The following RFWD3 variants were observed in gnomAD, a reference collection of about 807,000 sequenced individuals.
RFWD3 encodes the protein E3 ubiquitin-protein ligase RFWD3.
A neutral mutation model predicts 87.7 loss-of-function variants in RFWD3; 65 were observed. The observed-to-expected ratio is 0.74, with a 90% CI of 0.61 to 0.91. The LOEUF (loss-of-function observed/expected upper bound fraction) is 0.91, where lower values mean the gene tolerates loss of function less well. RFWD3 is among the 40% of genes least tolerant of loss of function. RFWD3 has a pLI of 0.00. For missense variants in RFWD3, 1,078 were observed against 938.5 expected, an observed-to-expected ratio of 1.15 and a Z score of -1.94; for synonymous variants, 433 against 352.8, an observed-to-expected ratio of 1.23 and a Z score of -2.55.
Position 74,644,379 on chromosome 16 carries a change from T to C in RFWD3, c.1062A>G (p.Glu354=). ...CCACCTACCTTTTCATGCGCTCCTG[T>C]TCACTAGTGTCCAAAGCTCTCAGGG... ...ARTLRALDTS[E]QERMKSSLLK... is the part of the protein sequence containing the mutation. The change falls in exon 6 of 13, where the codon GAA becomes GAG. Residue 354 remains glutamate, a synonymous_variant. Transcript: ENST00000361070. 6.2e-7 allele frequency: 1 copy of C among 1,614,178 alleles called. No homozygotes were observed. The highest frequency in any genetic ancestry group is 1.7e-4 in the Middle Eastern group (1 of 6,044).
chr16:74,636,450 G>C lies in RFWD3; in HGVS notation c.1322C>G (p.Thr441Ser). The C allele has an allele frequency of 1.2e-6, 2 of 1,614,180 alleles. No individual in the cohort carries two copies. Among genetic ancestry groups the C allele is most frequent in the Non-Finnish European group, 1.7e-6 (2 of 1,180,036 alleles). ...GTTTCCTGCCTGAGATACTGTGAAGGTCTTTTGGAAGTGGTACTTGTGCTT... is the reference window on the plus strand; with the variant it reads ...GTTTCCTGCCTGAGATACTGTGAAGCTCTTTTGGAAGTGGTACTTGTGCTT... The part of the protein sequence containing the change: ...QHKHKYHFQK[T>S]FTVSQAGNCR... Residue 441 changes from threonine to serine, a missense_variant, in exon 8 of 13, where the codon ACC becomes AGC. Thr to Ser is a moderately conservative substitution (Grantham distance 58, BLOSUM62 1). Transcript: ENST00000361070.
At chr16:74,638,096 T>A (rs1212295005) in intron 6 of RFWD3, 126 bp from the exon 7 acceptor site, 1 of 572,592 alleles carries the variant, frequency 1.7e-6, no homozygotes, top group Admixed American at 2.9e-5. Flanking sequence ...TGATAGTGAA[T>A]AAAATATAAA....
At chr16:74,636,708 T>C (rs867965798) in intron 7 of RFWD3, 131 bp from the exon 8 acceptor site, 46 of 725,800 alleles carry the variant, frequency 6.3e-5, no homozygotes, top group Middle Eastern at 7.9e-4. Flanking sequence ...CCTAGAGAAC[T>C]GCAGAGTTTT....
chr16:74,632,054 T>C (rs574638632), intron 9 of RFWD3, among the ~76,000 whole-genome samples: 8 of 152,224 alleles, frequency 5.3e-5, no homozygotes, highest in Non-Finnish European at 8.8e-5. Context: ...AGCAATATAT[T>C]TTAAATGGAT....
intron 6 of RFWD3, 98 bp downstream of exon 6, chr16:74,644,264 G>C: frequency 8.5e-7 from 1 of 1,170,584 alleles, no homozygotes; most frequent in East Asian, 2.3e-5. Context: ...CACAGGTCAA[G>C]TAAAACCTCA....
At position 74,658,794 on chromosome 16, in the gene RFWD3, A is replaced by G. The variant is rs1482859536; in HGVS notation, c.518+2138T>C. On this transcript the variant is annotated intron_variant, in intron 2 of 12. Transcript: ENST00000361070. ...TTTTTTTTTTTTTTTTGAGACAGAG[A>G]GTCACTCTTGTCACCCAGGCTGGAT... is the stretch of plus-strand genomic sequence containing the variant. Among the ~76,000 whole-genome samples, 3 of 147,728 alleles carry G rather than the reference A, an allele frequency of 2.0e-5. No individual in the cohort carries two copies. In the East Asian group the frequency reaches 5.9e-4, roughly 29 times the overall value.
chr16:74,631,449 G>C (rs945185213), intron 9 of RFWD3, among the ~76,000 whole-genome samples: 1 of 97,934 alleles, frequency 1.0e-5, no homozygotes, highest in African/African-American at 4.0e-5. Context: ...CTCCAGCCTG[G>C]GTGACAGAGT....
chr16:74,655,628 C>T (rs1164331305), intron 2 of RFWD3, among the ~76,000 whole-genome samples: 2 of 140,524 alleles, frequency 1.4e-5, no homozygotes, highest in African/African-American at 5.0e-5. Flanking sequence ...TGCTCTCTCT[C>T]TTTTTTTTTG....
At chr16:74,656,324 A>AAAAAAAAG (rs1567585046) in intron 2 of RFWD3, among the ~76,000 whole-genome samples, 1 of 148,640 alleles carries the variant, frequency 6.7e-6, no homozygotes. Context: ...AAAAAAAAAA[A>AAAAAAAAG]AAAAAAAGAA....
In RFWD3 at chr16:74,628,575, A is replaced by C. The variant is rs1310613531; in HGVS notation, c.1846T>G (p.Ser616Ala). The C allele has an allele frequency of 6.2e-7, 1 of 1,614,162 alleles. No individual in the cohort carries two copies. The highest frequency in any genetic ancestry group is 1.1e-5 in the South Asian group (1 of 91,088). Reference protein sequence around the residue: ...GVLAGTLEDASFWEQKMDFSH... With the variant: ...GVLAGTLEDAAFWEQKMDFSH... ...AAGTCCATTTTCTGTTCCCAGAATG[A>C]AGCATCCTCCAAGGTTCCAGCCAGC... Residue 616 changes from serine to alanine, a missense_variant, in exon 11 of 13, where the codon TCA becomes GCA. Physicochemically the swap from Ser to Ala is moderately conservative, Grantham distance 99. Coordinates refer to ENST00000361070, the MANE Select transcript of RFWD3 (RefSeq NM_018124.4).
chr16:74,635,007 G>A (rs1302759979), intron 8 of RFWD3, among the ~76,000 whole-genome samples: 2 of 151,990 alleles, frequency 1.3e-5, no homozygotes, highest in South Asian at 2.1e-4. Context: ...ATAGCCGGGC[G>A]CGGTGGCTCA....
At chr16:74,643,745 G>C (rs895946186) in intron 6 of RFWD3, among the ~76,000 whole-genome samples, 2 of 138,464 alleles carry the variant, frequency 1.4e-5, no homozygotes, top group Non-Finnish European at 3.0e-5. Context: ...GTGCAATTTC[G>C]GCTCACTGCA....
intron 6 of RFWD3, among the ~76,000 whole-genome samples, chr16:74,643,578 G>A (rs1670261637): frequency 6.6e-6 from 1 of 151,230 alleles, no homozygotes; most frequent in South Asian, 2.1e-4. Context: ...AACCAGTAAA[G>A]TGTGAACCCA....
chr16:74,629,629 AAAAAC>A (rs1375840000), intron 10 of RFWD3, among the ~76,000 whole-genome samples: 6 of 152,068 alleles, frequency 3.9e-5, no homozygotes, highest in Admixed American at 1.3e-4. Flanking sequence ...ACCATCTTAA[AAAAAC>A]AAAACAAAAC....
intron 12 of RFWD3, 105 bp from the exon 13 acceptor site, chr16:74,624,176 C>T (rs1464020340): frequency 5.2e-6 from 7 of 1,340,640 alleles, no homozygotes; most frequent in Non-Finnish European, 7.0e-6. Flanking sequence ...GAGAACACTA[C>T]CTGGAGAGCA....
At chr16:74,627,558 C>A (rs189356950) in intron 11 of RFWD3, among the ~76,000 whole-genome samples, 1 of 152,318 alleles carries the variant, frequency 6.6e-6, no homozygotes, top group Non-Finnish European at 1.5e-5. Flanking sequence ...TCCTTTGTGT[C>A]TCACCTGACC....
chr16:74,641,936 A>G (rs1959687907), intron 6 of RFWD3, among the ~76,000 whole-genome samples: 1 of 150,132 alleles, frequency 6.7e-6, no homozygotes, highest in Non-Finnish European at 1.5e-5. Flanking sequence ...TCCAAAAAAA[A>G]AAAAAAAAAA....
chr16:74,649,128 T>C lies in RFWD3; in HGVS notation c.792+4A>G. On this transcript the variant is annotated splice_donor_region_variant and intron_variant, in intron 4 of 12. Transcript: ENST00000361070. ...AGATTTTTTTAAAATGATGTTCATA[T>C]TACCTGTTTGGGGAGGGTCTTGCCT... The C allele has an allele frequency of 3.2e-6, 5 of 1,562,094 alleles. No homozygotes were observed. In the South Asian group the frequency reaches 5.9e-5, roughly 18 times the overall value.
At position 74,638,017 on chromosome 16, in the gene RFWD3, A is replaced by G. The variant is rs758787506; in HGVS notation, c.1080-47T>C. The G allele has an allele frequency of 7.0e-6, 9 of 1,284,478 alleles. No homozygotes were observed. In the South Asian group the frequency reaches 1.1e-4, roughly 16 times the overall value. 79.6% of individuals were successfully genotyped at this position (1,284,478 alleles called of 1,614,324 possible). On this transcript the variant is annotated intron_variant, in intron 6 of 12. Transcript: ENST00000361070. ...CAAGTGGGGATTAGGAAGGCTACAG[A>G]AGACTTCCCATCCAGGTGGCAGAGT...
Sources: allele counts gnomAD v4.1 joint callset (sites outside exome capture counted in the v4.1 genomes callset), GRCh38; gene constraint gnomAD v4.1.1; transcripts MANE v1.5; gene names NCBI Gene and HGNC (gene_info 2026-07-23, HGNC 2026-07-21).